The following PRH1 variants were observed in gnomAD, a reference collection of about 807,000 sequenced individuals.
PRH1 encodes the protein proline rich protein HaeIII subfamily 1, also known as salivary acidic proline-rich phosphoprotein 1/2.
A neutral mutation model predicts 7.9 loss-of-function variants in PRH1; 7 were observed. The ratio of observed to expected loss-of-function variants is 0.89; its 90% confidence interval spans 0.50 to 1.67. PRH1 has a LOEUF of 1.67. Ranked by LOEUF, PRH1 falls within the 40% of genes most tolerant of loss-of-function variation. The probability of loss-of-function intolerance (pLI) is 0.00; values close to 1 mark genes in which losing one functional copy is unlikely to be tolerated. For missense variants in PRH1, 109 were observed against 223.6 expected, an observed-to-expected ratio of 0.49 and a Z score of 3.27; for synonymous variants, 45 against 80.8, an observed-to-expected ratio of 0.56 and a Z score of 2.38.
chr12:11,144,914 C>G (rs1424289900), intron 1 of PRH1, among the ~76,000 whole-genome samples: 1 of 152,232 alleles, frequency 6.6e-6, no homozygotes, highest in African/African-American at 2.4e-5. Flanking sequence ...CTTTCCTACT[C>G]CTGCAGTTGG....
intron 1 of PRH1, among the ~76,000 whole-genome samples, chr12:11,039,112 G>C (rs1248674335): frequency 6.6e-6 from 1 of 152,180 alleles, no homozygotes; most frequent in East Asian, 1.9e-4. Context: ...TAGTCTACAA[G>C]CTTAATGTAG....
intron 1 of PRH1, among the ~76,000 whole-genome samples, chr12:10,991,165 G>A (rs895767178): frequency 2.6e-5 from 4 of 152,014 alleles, no homozygotes; most frequent in African/African-American, 9.7e-5. Flanking sequence ...CTAAGAAGTG[G>A]GAGTAAAAAC....
intron 1 of PRH1, among the ~76,000 whole-genome samples, chr12:11,004,335 A>C (rs757626847): frequency 1.3e-5 from 2 of 152,078 alleles, no homozygotes; most frequent in Non-Finnish European, 2.9e-5. Flanking sequence ...CTAAAATACA[A>C]AAAATACTAA....
Position 11,130,692 on chromosome 12 carries a change from T to C in PRH1, n.40-9512A>G, listed in dbSNP as rs572217428. 2.0e-5 allele frequency among the ~76,000 whole-genome samples: 3 copies of C among 152,254 alleles called. No individual in the cohort carries two copies. In the South Asian group the frequency reaches 6.2e-4, roughly 32 times the overall value. On this transcript the variant is annotated intron_variant and non_coding_transcript_variant, in intron 1 of 1. Coordinates refer to the PRH1 transcript ENST00000541175. ...TAGGAGAGGGGAGAGCAAATCCCTA[T>C]GGAATCAGTGTAAGACCAGTGTAAG...
At chr12:10,890,266 C>T (rs1949551565) in intron 2 of PRH1, among the ~76,000 whole-genome samples, 1 of 152,074 alleles carries the variant, frequency 6.6e-6, no homozygotes, top group African/African-American at 2.4e-5. Flanking sequence ...CTCTCTGGCA[C>T]TTATGAGATA....
intron 2 of PRH1, among the ~76,000 whole-genome samples, chr12:10,926,243 C>T (rs145583490): frequency 4.6e-5 from 7 of 152,260 alleles, no homozygotes; most frequent in Admixed American, 3.3e-4. Flanking sequence ...AATAATTCTT[C>T]CAATGTACAT....
chr12:11,171,072 G>T (rs1224136926), intron 1 of PRH1: 4 of 362,758 alleles, frequency 1.1e-5, no homozygotes, highest in Admixed American at 4.6e-5. Context: ...TATCTGCATG[G>T]ATGTTCGTAC....
At chr12:11,015,490 TGAG>T (rs1383571974) in intron 1 of PRH1, among the ~76,000 whole-genome samples, 4 of 152,146 alleles carry the variant, frequency 2.6e-5, no homozygotes, top group East Asian at 1.9e-4. Context: ...TTCTTTCTTC[TGAG>T]GAGGTTAGAC....
At chr12:10,937,226 C>A (rs929596186) in intron 2 of PRH1, among the ~76,000 whole-genome samples, 5 of 150,818 alleles carry the variant, frequency 3.3e-5, no homozygotes, top group Non-Finnish European at 7.4e-5. Flanking sequence ...CTCTCTCTCT[C>A]TCTCTCTGTG....
At chr12:11,042,265 G>C (rs913511982) in intron 1 of PRH1, among the ~76,000 whole-genome samples, 7 of 151,708 alleles carry the variant, frequency 4.6e-5, no homozygotes, top group Non-Finnish European at 7.4e-5. Flanking sequence ...AATAAAATCA[G>C]AGATGAAAAT....
At chr12:10,906,156 C>T (rs1231029830) in intron 2 of PRH1, among the ~76,000 whole-genome samples, 1 of 152,126 alleles carries the variant, frequency 6.6e-6, no homozygotes, top group African/African-American at 2.4e-5. Flanking sequence ...GTAGATAGTA[C>T]TATTGAAACA....
chr12:11,068,055 T>C (rs1196616471), intron 1 of PRH1, among the ~76,000 whole-genome samples: 1 of 151,614 alleles, frequency 6.6e-6, no homozygotes, highest in African/African-American at 2.4e-5. Flanking sequence ...GGAGCATAAC[T>C]TACATATGGA....
upstream of PRH1, among the ~76,000 whole-genome samples, chr12:11,048,160 G>GGA (rs1565591500): frequency 5.7e-5 from 7 of 123,014 alleles, no homozygotes; most frequent in Admixed American, 4.8e-4. Context: ...GTGTGTGTGT[G>GGA]TATAGATAGA....
intron 2 of PRH1, among the ~76,000 whole-genome samples, chr12:10,923,217 C>T (rs898028977): frequency 6.6e-6 from 1 of 151,732 alleles, no homozygotes; most frequent in African/African-American, 2.4e-5. Flanking sequence ...CCTCTGCCTC[C>T]CAGGTTCAAG....
At chr12:10,992,015 A>G (rs1426528498) in intron 1 of PRH1, among the ~76,000 whole-genome samples, 1 of 152,182 alleles carries the variant, frequency 6.6e-6, no homozygotes, top group African/African-American at 2.4e-5. Flanking sequence ...ACTTTGCTAA[A>G]TAATTATAAA....
intron 1 of PRH1, among the ~76,000 whole-genome samples, chr12:11,126,659 T>C (rs1005188243): frequency 2.6e-5 from 4 of 152,190 alleles, no homozygotes; most frequent in African/African-American, 9.7e-5. Context: ...GATAATGCCA[T>C]ACTCAAAGTA....
intron 1 of PRH1, among the ~76,000 whole-genome samples, chr12:11,002,392 A>G (rs527444379): frequency 6.6e-6 from 1 of 152,088 alleles, no homozygotes; most frequent in Non-Finnish European, 1.5e-5. Context: ...ACAGTATTTC[A>G]TTAAGAATAA....
Position 10,929,403 on chromosome 12 carries a change from G to C in PRH1, c.-59+44252C>G, listed in dbSNP as rs145266319. 3.3e-3 allele frequency: 5,248 copies of C among 1,588,220 alleles called. 12 individuals are homozygous for C. The highest frequency in any genetic ancestry group is 4.2e-3 in the Non-Finnish European group (4,846 of 1,157,170). On this transcript the variant is annotated intron_variant, in intron 2 of 3. Transcript: ENST00000539853. ...GTTTACGGGCGAATGCTATAGAGGG[G>C]GAAAGTGGAGGGAAGAGAGGAGGAT...
At chr12:11,119,359 T>C (rs1233292472), downstream of PRH1, among the ~76,000 whole-genome samples, 2 of 151,762 alleles carry the variant, frequency 1.3e-5, no homozygotes, top group African/African-American at 4.8e-5. Context: ...TACTATTTGA[T>C]ACCACAGCAG....
Sources: gnomAD v4.1 joint callset for allele counts (sites outside exome capture counted in the v4.1 genomes callset) on GRCh38, gnomAD v4.1.1 for gene constraint, MANE v1.5 for transcripts, NCBI Gene and HGNC (gene_info 2026-07-23, HGNC 2026-07-21) for gene names.